Variants in KCNS3 observed in about 807,000 individuals in gnomAD.
The protein encoded by KCNS3 is potassium voltage-gated channel modifier subfamily S member 3.
KCNS3 carries 13 observed loss-of-function variants against 31.0 expected under a neutral mutation model. That is an observed-to-expected ratio of 0.42 (90% confidence interval 0.27 to 0.67). The LOEUF (loss-of-function observed/expected upper bound fraction) is 0.67, where lower values mean the gene tolerates loss of function less well. KCNS3 is among the 30% of genes least tolerant of loss of function. The pLI is 0.25. For missense variants in KCNS3, 545 were observed against 622.4 expected (o/e 0.88, Z 1.32); for synonymous variants, 238 against 241.5 (o/e 0.99, Z 0.13).
Position 17,931,085 on chromosome 2 carries a change from A to T in KCNS3, c.77A>T (p.Gln26Leu), listed in dbSNP as rs1399807085. 1 of 1,614,180 alleles carries T rather than the reference A, an allele frequency of 6.2e-7. No homozygotes were observed. Among genetic ancestry groups the T allele is most frequent in the East Asian group, 2.2e-5 (1 of 44,878 alleles). The change falls in exon 3 of 3, where the codon CAG (glutamine) becomes CTG (leucine). Residue 26 changes from glutamine to leucine, a missense_variant. Physicochemically the swap from Gln to Leu is moderately radical, Grantham distance 113. Coordinates refer to ENST00000304101, the MANE Select transcript of KCNS3 (RefSeq NM_002252.5). The surrounding 1 kb of genome is among the most constrained non-coding windows in gnomAD (Gnocchi z 5.4). ...AACCTGAATGTGGGGGGCTTTAAGCAGTCTGTTGACCAAAGCACCCTCCTG... is the reference window on the plus strand; with the variant it reads ...AACCTGAATGTGGGGGGCTTTAAGCTGTCTGTTGACCAAAGCACCCTCCTG... ...LVNLNVGGFK[Q>L]SVDQSTLLRF...
chr2:17,885,609 G>A (rs1476170230), intron 1 of KCNS3, among the ~76,000 whole-genome samples: 1 of 152,218 alleles, frequency 6.6e-6, no homozygotes, highest in Admixed American at 6.5e-5. Flanking sequence ...TTACAATGAA[G>A]TCCAAAGGCA....
Position 17,931,191 on chromosome 2 carries a change from T to C in KCNS3, c.183T>C (p.Ser61=), listed in dbSNP as rs7569719. 0.014 allele frequency: 22,835 copies of C among 1,614,066 alleles called. 1,146 individuals are homozygous for C. In the African/African-American group the frequency reaches 0.16, roughly 11 times the overall value. ...EAILELCDDY[S]VADKEYYFDR... ...TTCTGGAGCTGTGTGATGATTACAG[T>C]GTGGCCGATAAGGAGTACTACTTTG... Residue 61 remains serine, a synonymous_variant, in exon 3 of 3, where the codon AGT becomes AGC. Coordinates refer to ENST00000304101, the MANE Select transcript of KCNS3 (RefSeq NM_002252.5). This position sits in a 1 kb window ranked among gnomAD's most constrained non-coding sequence, Gnocchi z 5.4.
intron 2 of KCNS3, among the ~76,000 whole-genome samples, chr2:17,921,232 T>G (rs1441732358): frequency 1.3e-5 from 2 of 152,194 alleles, no homozygotes; most frequent in Non-Finnish European, 2.9e-5. Context: ...TGTACAAAAA[T>G]AAAATAATAC....
chr2:17,930,463 G>A (rs4832402), intron 2 of KCNS3, among the ~76,000 whole-genome samples: 34,741 of 152,044 alleles, frequency 0.23, 4,603 homozygotes, highest in East Asian at 0.48. Flanking sequence ...TGAGCCCCCT[G>A]TGATGAGTGT....
chr2:17,931,430 G>C lies in KCNS3; in HGVS notation c.422G>C (p.Ser141Thr). The stretch of plus-strand genomic sequence containing the variant: ...TGGGACCAGAAAAGCCATGATGTGA[G>C]TACCGACTCCTCGTTTGAAGAGTCG... ...KDWDQKSHDV[S>T]TDSSFEESSL... Residue 141 changes from serine to threonine, a missense_variant, in exon 3 of 3, where the codon AGT (serine) becomes ACT (threonine). Physicochemically the swap from Ser to Thr is moderately conservative, Grantham distance 58. Transcript: ENST00000304101. This position sits in a 1 kb window ranked among gnomAD's most constrained non-coding sequence, Gnocchi z 5.4. 1 of 1,614,178 alleles carries C rather than the reference G, an allele frequency of 6.2e-7. No individual in the cohort carries two copies. The highest frequency in any genetic ancestry group is 8.5e-7 in the Non-Finnish European group (1 of 1,180,024).
intron 1 of KCNS3, among the ~76,000 whole-genome samples, chr2:17,898,537 G>C (rs1336170666): frequency 6.6e-6 from 1 of 152,040 alleles, no homozygotes; most frequent in Admixed American, 6.6e-5. Context: ...ATAGCCATCT[G>C]AAAAAATTAC....
intron 2 of KCNS3, among the ~76,000 whole-genome samples, chr2:17,920,162 A>G (rs1662678525): frequency 6.6e-6 from 1 of 152,224 alleles, no homozygotes; most frequent in Admixed American, 6.5e-5. Context: ...CTTTGATGAA[A>G]AAGGATTAAT....
At chr2:17,892,744 G>A (rs2125235889) in intron 1 of KCNS3, among the ~76,000 whole-genome samples, 1 of 152,276 alleles carries the variant, frequency 6.6e-6, no homozygotes, top group Admixed American at 6.5e-5. Flanking sequence ...CCAGCTCTGG[G>A]CTGGTCCTGG....
chr2:17,900,370 G>A (rs1346225756), intron 1 of KCNS3, among the ~76,000 whole-genome samples: 3 of 152,104 alleles, frequency 2.0e-5, no homozygotes, highest in African/African-American at 4.8e-5. Flanking sequence ...AGAGGTCTGG[G>A]GTCTGGGGTT....
intron 1 of KCNS3, among the ~76,000 whole-genome samples, chr2:17,891,256 G>A (rs538614651): frequency 1.5e-4 from 23 of 152,242 alleles, no homozygotes; most frequent in African/African-American, 4.6e-4. Flanking sequence ...CCATTTGCAT[G>A]AAATGTCTTT....
intron 1 of KCNS3, among the ~76,000 whole-genome samples, chr2:17,881,885 C>T (rs1674652739): frequency 6.6e-6 from 1 of 152,128 alleles, no homozygotes; most frequent in African/African-American, 2.4e-5. Flanking sequence ...TTATTTTTGC[C>T]TTTGACAAAA....
intron 2 of KCNS3, among the ~76,000 whole-genome samples, chr2:17,929,210 T>G (rs1662900832): frequency 6.6e-6 from 1 of 152,172 alleles, no homozygotes; most frequent in African/African-American, 2.4e-5. Context: ...AGTTTGGTGG[T>G]GTGTTAGTCT....
chr2:17,923,484 T>C (rs1662768900), intron 2 of KCNS3, among the ~76,000 whole-genome samples: 1 of 152,116 alleles, frequency 6.6e-6, no homozygotes, highest in South Asian at 2.1e-4. Flanking sequence ...TTTGATAAAG[T>C]CAATTTAACT....
At chr2:17,885,573 TG>T (rs755024293) in intron 1 of KCNS3, among the ~76,000 whole-genome samples, 5 of 152,212 alleles carry the variant, frequency 3.3e-5, no homozygotes, top group Non-Finnish European at 7.3e-5. Context: ...TGGAGGCAGT[TG>T]CTATACAGCC....
chr2:17,878,993 G>A (rs1336927763), intron 1 of KCNS3, among the ~76,000 whole-genome samples, 187 bp downstream of exon 1: 1 of 152,226 alleles, frequency 6.6e-6, no homozygotes, highest in Non-Finnish European at 1.5e-5. Context: ...GGCCCGCGGC[G>A]CCCGCATCCT....
At chr2:17,878,092 G>A (rs1674547778), upstream of KCNS3, 1 of 152,314 alleles carries the variant, frequency 6.6e-6, no homozygotes, top group Admixed American at 6.5e-5. Flanking sequence ...CACTGTGCCT[G>A]AGTCTTCAGG....
intron 1 of KCNS3, among the ~76,000 whole-genome samples, chr2:17,916,731 C>T (rs1402808536): frequency 1.3e-5 from 2 of 152,054 alleles, no homozygotes; most frequent in Non-Finnish European, 2.9e-5. Context: ...TGGGGGCAGG[C>T]ACTGCATCTG....
chr2:17,924,411 T>C (rs1662790132), intron 2 of KCNS3, among the ~76,000 whole-genome samples: 1 of 152,068 alleles, frequency 6.6e-6, no homozygotes, highest in Non-Finnish European at 1.5e-5. Flanking sequence ...AGTGGTGGGA[T>C]TGGACATTCA....
At chr2:17,896,318 G>A (rs556644996) in intron 1 of KCNS3, among the ~76,000 whole-genome samples, 39 of 152,190 alleles carry the variant, frequency 2.6e-4, no homozygotes, top group African/African-American at 8.7e-4. Flanking sequence ...CCCCTAAAGT[G>A]CTGGGATTAC....
Sources: allele counts gnomAD v4.1 joint callset (sites outside exome capture counted in the v4.1 genomes callset), GRCh38; gene constraint gnomAD v4.1.1; non-coding constraint Gnocchi (gnomAD v3.1); transcripts MANE v1.5; gene names NCBI Gene and HGNC (gene_info 2026-07-23, HGNC 2026-07-21).